SH3GL2: variants seen among roughly 807,000 people sequenced by gnomAD.
The protein encoded by SH3GL2 is SH3 domain containing GRB2 like 2, endophilin A1, also known as endophilin-A1.
SH3GL2 carries 24 observed loss-of-function variants against 46.0 expected under a neutral mutation model. The ratio of observed to expected loss-of-function variants is 0.52; its 90% CI spans 0.38 to 0.73. SH3GL2 has a LOEUF of 0.73. SH3GL2 is among the 30% of genes least tolerant of loss of function. The probability of loss-of-function intolerance (pLI) is 0.00; values close to 1 mark genes in which losing one functional copy is unlikely to be tolerated. For synonymous variants in SH3GL2, 196 were observed against 147.1 expected, an observed-to-expected ratio of 1.33 and a Z score of -2.40; for missense variants, 413 against 424.2, an observed-to-expected ratio of 0.97 and a Z score of 0.23.
intron 1 of SH3GL2, among the ~76,000 whole-genome samples, chr9:17,591,604 A>G (rs995662587): frequency 6.6e-6 from 1 of 152,350 alleles, no homozygotes; most frequent in South Asian, 2.1e-4. Flanking sequence ...GTTTGTAAAG[A>G]TTAGGACCAG....
chr9:17,714,423 C>T (rs775281278), intron 1 of SH3GL2, among the ~76,000 whole-genome samples: 1 of 151,516 alleles, frequency 6.6e-6, no homozygotes, highest in East Asian at 1.9e-4. Flanking sequence ...TTTGTTTAAT[C>T]TGTTATTTAT....
chr9:17,602,479 C>G (rs1429862842), intron 1 of SH3GL2, among the ~76,000 whole-genome samples: 1 of 152,148 alleles, frequency 6.6e-6, no homozygotes, highest in Admixed American at 6.5e-5. Flanking sequence ...CCACCAGCCA[C>G]CTTGCCTCTT....
At chr9:17,626,250 C>T (rs1220500943) in intron 1 of SH3GL2, among the ~76,000 whole-genome samples, 1 of 152,192 alleles carries the variant, frequency 6.6e-6, no homozygotes, top group African/African-American at 2.4e-5. Flanking sequence ...GGGATATGAG[C>T]CCATGTGAGT....
At chr9:17,584,390 C>A (rs1169892537) in intron 1 of SH3GL2, among the ~76,000 whole-genome samples, 3 of 152,144 alleles carry the variant, frequency 2.0e-5, no homozygotes, top group African/African-American at 7.2e-5. Flanking sequence ...GTAATCCCAC[C>A]TACCCAGGAG....
intron 1 of SH3GL2, among the ~76,000 whole-genome samples, chr9:17,594,960 T>A (rs184277719): frequency 6.2e-4 from 94 of 152,354 alleles, no homozygotes; most frequent in African/African-American, 1.9e-3. Flanking sequence ...AATGTAGAAT[T>A]TAAAGCACAC....
At chr9:17,609,129 T>G in intron 1 of SH3GL2, among the ~76,000 whole-genome samples, 1 of 152,186 alleles carries the variant, frequency 6.6e-6, no homozygotes, top group African/African-American at 2.4e-5. Flanking sequence ...TATTGAGCAC[T>G]TAATAAACAA....
chr9:17,728,774 C>T (rs1822093261), intron 1 of SH3GL2, among the ~76,000 whole-genome samples: 1 of 152,136 alleles, frequency 6.6e-6, no homozygotes, highest in Admixed American at 6.6e-5. Context: ...TGGTTTCCAT[C>T]CTCATCCATG....
chr9:17,692,280 CT>C (rs34029180), intron 1 of SH3GL2, among the ~76,000 whole-genome samples: 79,101 of 145,894 alleles, frequency 0.54, 21,994 homozygotes, highest in African/African-American at 0.71. Context: ...TTCTTATTTG[CT>C]TTTTTTTTTT....
intron 1 of SH3GL2, among the ~76,000 whole-genome samples, chr9:17,679,763 G>A (rs866105261): frequency 3.3e-5 from 5 of 152,228 alleles, no homozygotes; most frequent in African/African-American, 1.2e-4. Context: ...TTGGCTGTGG[G>A]TTTGTGATAA....
At chr9:17,719,643 T>A (rs528662536) in intron 1 of SH3GL2, among the ~76,000 whole-genome samples, 55 of 151,936 alleles carry the variant, frequency 3.6e-4, no homozygotes, top group African/African-American at 1.0e-3. Flanking sequence ...ATAAAAAAAA[T>A]TTATCTTGGC....
rs142858001 is a variant in SH3GL2, at chr9:17,710,757, G to C, written c.46-36309G>C. Among the ~76,000 whole-genome samples, 14 of 152,016 alleles carry C rather than the reference G, an allele frequency of 9.2e-5. 1 individual carries two copies. In the East Asian group the frequency reaches 2.3e-3, roughly 25 times the overall value. On this transcript the variant is annotated intron_variant, in intron 1 of 8. Coordinates refer to ENST00000380607, the MANE Select transcript of SH3GL2 (RefSeq NM_003026.5). ...TCCTACAATAGGGATAAACCTTATA[G>C]ACATTATACCAAGTGAAATAAGCCA...
chr9:17,789,534 A>G lies in SH3GL2; in HGVS notation c.608A>G (p.Asn203Ser), dbSNP rs371069680. Residue 203 changes from asparagine (N) to serine (S), a missense_variant, in exon 6 of 9, where the codon AAT (asparagine) becomes AGT (serine). Asn to Ser is a conservative substitution (Grantham distance 46). Around this residue, in one of 3 missense-constraint regions of SH3GL2, gnomAD observed 248 missense variants for 215.0 expected, o/e 1.15. Coordinates refer to ENST00000380607, the MANE Select transcript of SH3GL2 (RefSeq NM_003026.5). ...SKEIAESSMF[N>S]LLEMDIEQVS... The stretch of plus-strand genomic sequence containing the variant: ...GAAATTGCTGAGTCAAGCATGTTCA[A>G]TCTCTTGGAGATGGATGTAAGTGAC... 11 of 1,613,372 alleles carry G rather than the reference A, an allele frequency of 6.8e-6. No homozygotes were observed. Among genetic ancestry groups the G allele is most frequent in the Admixed American group, 6.7e-5 (4 of 59,958 alleles).
chr9:17,647,897 G>C (rs1297552699), intron 1 of SH3GL2, among the ~76,000 whole-genome samples: 1 of 152,104 alleles, frequency 6.6e-6, no homozygotes, highest in African/African-American at 2.4e-5. Context: ...CCACCCTTGA[G>C]ACAGTGAGGC....
chr9:17,763,719 C>T (rs892789029), intron 3 of SH3GL2, among the ~76,000 whole-genome samples: 1 of 152,124 alleles, frequency 6.6e-6, no homozygotes, highest in East Asian at 1.9e-4. Context: ...TAATCCAGTA[C>T]GCTAGCCTCA....
intron 8 of SH3GL2, among the ~76,000 whole-genome samples, chr9:17,794,057 C>T (rs974014057): frequency 6.6e-6 from 1 of 152,234 alleles, no homozygotes; most frequent in African/African-American, 2.4e-5. Context: ...TCCCATGCCT[C>T]ACCTCTGATC....
intron 3 of SH3GL2, among the ~76,000 whole-genome samples, chr9:17,772,990 A>C (rs1039038655): frequency 1.3e-5 from 2 of 152,066 alleles, no homozygotes; most frequent in South Asian, 4.1e-4. Context: ...ATCCTTGCTA[A>C]CACTTGTTAT....
intron 1 of SH3GL2, among the ~76,000 whole-genome samples, chr9:17,655,165 A>G (rs952728539): frequency 1.3e-5 from 2 of 152,216 alleles, no homozygotes; most frequent in Admixed American, 6.5e-5. Context: ...AAGGGAAAAA[A>G]GAAACTTCAC....
intron 1 of SH3GL2, among the ~76,000 whole-genome samples, chr9:17,686,604 C>A (rs1015257533): frequency 1.2e-4 from 18 of 144,298 alleles, no homozygotes; most frequent in Non-Finnish European, 1.1e-4. Context: ...GAATACTATG[C>A]AGCCATAAAA....
intron 1 of SH3GL2, among the ~76,000 whole-genome samples, chr9:17,731,289 G>A (rs1822171411): frequency 1.3e-5 from 2 of 151,964 alleles, no homozygotes; most frequent in South Asian, 4.2e-4. Context: ...CTAATGTGAT[G>A]GTATTTGGAG....
Sources: allele counts gnomAD v4.1 joint callset (sites outside exome capture counted in the v4.1 genomes callset), GRCh38; gene constraint gnomAD v4.1.1; regional missense constraint gnomAD v4.1.1; transcripts MANE v1.5; gene names NCBI Gene and HGNC (gene_info 2026-07-23, HGNC 2026-07-21).